The following CACNA2D2 variants were observed in gnomAD, a reference collection of about 807,000 sequenced individuals.
The protein encoded by CACNA2D2 is voltage-dependent calcium channel subunit alpha-2/delta-2.
Under a neutral mutation model 166.4 loss-of-function variants are expected in CACNA2D2, and 48 were observed. The ratio of observed to expected loss-of-function variants is 0.29; its 90% CI spans 0.23 to 0.37. The LOEUF is 0.37. Among genes scored for constraint, CACNA2D2 ranks in the 10% least tolerant of loss-of-function variants. The pLI is 1.00. For missense variants in CACNA2D2, 1,122 were observed against 1,433.0 expected, an observed-to-expected ratio of 0.78 and a Z score of 3.50; for synonymous variants, 561 against 573.7, an observed-to-expected ratio of 0.98 and a Z score of 0.32.
In CACNA2D2 at chr3:50,485,020, C is replaced by T. The variant is rs185863468; in HGVS notation, c.207-8821G>A. 1.8e-3 allele frequency among the ~76,000 whole-genome samples: 270 copies of T among 152,352 alleles called. 1 individual carries two copies. The highest frequency in any genetic ancestry group is 0.014 in the South Asian group (68 of 4,832). ...TCTTTCCATATGAATTATTAAGGCT[C>T]GTTTATGATGGGCCCGCCCAGGCCT... is the stretch of plus-strand genomic sequence containing the variant. On this transcript the variant is annotated intron_variant, in intron 1 of 37. Coordinates refer to ENST00000424201, the MANE Select transcript of CACNA2D2 (RefSeq NM_006030.4).
At chr3:50,426,994 C>T (rs918638602) in intron 3 of CACNA2D2, among the ~76,000 whole-genome samples, 1 of 152,190 alleles carries the variant, frequency 6.6e-6, no homozygotes, top group South Asian at 2.1e-4. Context: ...TCAGGATTCT[C>T]GACTGCCAGA....
chr3:50,459,223 T>A lies in CACNA2D2; in HGVS notation c.288+16895A>T, dbSNP rs527248039. Among the ~76,000 whole-genome samples the A allele has an allele frequency of 2.0e-5, 3 of 152,118 alleles. No homozygotes were observed. The South Asian group carries it at 6.2e-4, about 32-fold the overall frequency. On this transcript the variant is annotated intron_variant, in intron 2 of 37. Coordinates refer to ENST00000424201, the MANE Select transcript of CACNA2D2 (RefSeq NM_006030.4). Reference sequence around the variant, plus strand: ...ATAAAAGGGAACCCAGGTATACACATGGGTGGCAGGGAAAGGTCAGGGTCA... The same window carrying A: ...ATAAAAGGGAACCCAGGTATACACAAGGGTGGCAGGGAAAGGTCAGGGTCA...
rs1415751421 is a variant in CACNA2D2, at chr3:50,364,649, G to T, written c.*17C>A. 1.3e-6 allele frequency: 2 copies of T among 1,501,290 alleles called. No individual in the cohort carries two copies. The highest frequency in any genetic ancestry group is 1.4e-5 in the African/African-American group (1 of 70,948). 93.0% of individuals were successfully genotyped at this position (1,501,290 alleles called of 1,614,324 possible). A position where few individuals can be genotyped will look rare whatever the true frequency, so the allele number is the denominator to read the frequency against. On this transcript the variant is annotated 3_prime_UTR_variant, in exon 38 of 38. Transcript: ENST00000424201. ...GGCCGGGTGAGGTGGGAGTGGAGGT[G>T]GGGTGGGGCAGGGTGCTCAGAGGCG...
chr3:50,427,473 C>T lies in CACNA2D2; in HGVS notation c.405+6840G>A, dbSNP rs1400158589. 3.9e-5 allele frequency among the ~76,000 whole-genome samples: 6 copies of T among 152,264 alleles called. No individual in the cohort carries two copies. Among genetic ancestry groups the T allele is most frequent in the Non-Finnish European group, 8.8e-5 (6 of 68,044 alleles). On this transcript the variant is annotated intron_variant, in intron 3 of 37. Transcript: ENST00000424201. The surrounding 1 kb of genome is among the most constrained non-coding windows in gnomAD (Gnocchi z 4.7). ...GAGAAAAGGCTGCTTGGGCGCTTGG[C>T]GCCCACGCGTGCGCCTAATTGGCTC...
At position 50,367,182 on chromosome 3, in the gene CACNA2D2, A is replaced by C; in HGVS notation, c.2402-73T>G. ...GACCACTCTATGCTGGGTCCTACAA[A>C]CCCAGCAGTCCAATCCCGGGATGAC... On this transcript the variant is annotated intron_variant, in intron 27 of 37. Transcript: ENST00000424201. This position sits in a 1 kb window ranked among gnomAD's most constrained non-coding sequence, Gnocchi z 6.5. 1 of 1,216,664 alleles carries C rather than the reference A, an allele frequency of 8.2e-7. No homozygotes were observed. The highest frequency in any genetic ancestry group is 1.2e-6 in the Non-Finnish European group (1 of 836,458). 75.4% of individuals were successfully genotyped at this position (1,216,664 alleles called of 1,614,324 possible).
At chr3:50,395,815 T>C (rs942135071) in intron 3 of CACNA2D2, among the ~76,000 whole-genome samples, 5 of 152,138 alleles carry the variant, frequency 3.3e-5, no homozygotes, top group African/African-American at 7.2e-5. Flanking sequence ...TCCAGCCCCA[T>C]TGGGCTGGCT....
chr3:50,431,059 C>T (rs897290486), intron 3 of CACNA2D2, among the ~76,000 whole-genome samples: 2 of 152,104 alleles, frequency 1.3e-5, no homozygotes, highest in Non-Finnish European at 2.9e-5. Flanking sequence ...TTGCTCAGCT[C>T]CCTCTTTGCA....
intron 22 of CACNA2D2, among the ~76,000 whole-genome samples, chr3:50,371,431 C>T (rs1411250280): frequency 6.6e-6 from 1 of 152,058 alleles, no homozygotes; most frequent in Non-Finnish European, 1.5e-5. Context: ...GCCGCTGGGG[C>T]TCCTCTGTGG....
At position 50,447,572 on chromosome 3, in the gene CACNA2D2, T is replaced by C. The variant is rs372673019; in HGVS notation, c.289-13143A>G. ...TCCCCCCTGCCCCATGTCCCTCCCA[T>C]ACCACTGGGCCTGCTAGGAGACCCC... is the stretch of plus-strand genomic sequence containing the variant. On this transcript the variant is annotated intron_variant, in intron 2 of 37. Transcript: ENST00000424201. 2.6e-4 allele frequency among the ~76,000 whole-genome samples: 40 copies of C among 152,178 alleles called. No individual in the cohort carries two copies. The South Asian group carries it at 8.1e-3, about 31-fold the overall frequency.
At chr3:50,413,051 C>T (rs2106807702) in intron 3 of CACNA2D2, among the ~76,000 whole-genome samples, 1 of 152,362 alleles carries the variant, frequency 6.6e-6, no homozygotes, top group African/African-American at 2.4e-5. Context: ...TGGTCTCAGG[C>T]TGCATGAGGA....
chr3:50,368,029 T>G, intron 24 of CACNA2D2, 109 bp downstream of exon 24: 1 of 1,159,708 alleles, frequency 8.6e-7, no homozygotes, highest in Admixed American at 1.8e-5. Flanking sequence ...GGCCCAGCCC[T>G]TAGCTTGTGC....
chr3:50,455,429 G>A (rs1218285690), intron 2 of CACNA2D2, among the ~76,000 whole-genome samples: 1 of 152,206 alleles, frequency 6.6e-6, no homozygotes, highest in African/African-American at 2.4e-5. Flanking sequence ...CCGGCACATG[G>A]ACTTTTATTT....
At chr3:50,464,260 C>G (rs1709721952) in intron 2 of CACNA2D2, among the ~76,000 whole-genome samples, 1 of 152,248 alleles carries the variant, frequency 6.6e-6, no homozygotes, top group Non-Finnish European at 1.5e-5. Context: ...ACTCCAGGAT[C>G]TGTGGAGGAG....
At chr3:50,500,376 A>G (rs1317389704) in intron 1 of CACNA2D2, among the ~76,000 whole-genome samples, 1 of 152,164 alleles carries the variant, frequency 6.6e-6, no homozygotes, top group Non-Finnish European at 1.5e-5. Flanking sequence ...AGGACTCCAC[A>G]GAGGAGGGGA....
At chr3:50,423,024 C>T (rs1379321063) in intron 3 of CACNA2D2, among the ~76,000 whole-genome samples, 1 of 152,208 alleles carries the variant, frequency 6.6e-6, no homozygotes, top group African/African-American at 2.4e-5. Flanking sequence ...CCTTTCTGGT[C>T]CCCTGTTCCC....
intron 2 of CACNA2D2, among the ~76,000 whole-genome samples, chr3:50,475,032 C>T (rs1215167175): frequency 1.3e-5 from 2 of 152,156 alleles, no homozygotes; most frequent in African/African-American, 2.4e-5. Context: ...GGCGTTGCCA[C>T]GTACTTAGCC....
At chr3:50,370,404 C>G in intron 22 of CACNA2D2, 24 bp from the exon 23 acceptor site, 1 of 1,456,474 alleles carries the variant, frequency 6.9e-7, no homozygotes, top group Non-Finnish European at 9.3e-7. Flanking sequence ...GGGGGGTTAT[C>G]CGGCGGGGGC....
intron 2 of CACNA2D2, among the ~76,000 whole-genome samples, chr3:50,443,686 T>G (rs768677240): frequency 2.6e-5 from 4 of 152,206 alleles, no homozygotes; most frequent in Admixed American, 1.3e-4. Flanking sequence ...ACAGCCCAAG[T>G]AGACAGACCC....
chr3:50,377,888 C>T (rs1705073055), intron 15 of CACNA2D2, 85 bp from the exon 16 acceptor site: 5 of 1,472,298 alleles, frequency 3.4e-6, no homozygotes, highest in Non-Finnish European at 4.7e-6. Flanking sequence ...GAGGTGCAGG[C>T]CACCTCTTTC....
Sources: allele counts gnomAD v4.1 joint callset (sites outside exome capture counted in the v4.1 genomes callset), GRCh38; gene constraint gnomAD v4.1.1; non-coding constraint Gnocchi (gnomAD v3.1); transcripts MANE v1.5; gene names NCBI Gene and HGNC (gene_info 2026-07-23, HGNC 2026-07-21).